SMYD2: variants seen among roughly 807,000 people sequenced by gnomAD.
The protein encoded by SMYD2 is N-lysine methyltransferase SMYD2.
Under a neutral mutation model 59.1 loss-of-function variants are expected in SMYD2, and 53 were observed. The ratio of observed to expected loss-of-function variants is 0.90; its 90% CI spans 0.72 to 1.13. The LOEUF is 1.13. Among genes scored for constraint, SMYD2 ranks in the 50% most tolerant of loss-of-function variants. The probability of loss-of-function intolerance (pLI) is 0.00; values close to 1 mark genes in which losing one functional copy is unlikely to be tolerated. For missense variants in SMYD2, 494 were observed against 544.7 expected (o/e 0.91, Z 0.93); for synonymous variants, 208 against 198.8 (o/e 1.05, Z -0.39).
chr1:214,327,609 T>G lies in SMYD2; in HGVS notation c.603-13T>G, dbSNP rs751857836. On this transcript the variant is annotated splice_polypyrimidine_tract_variant and intron_variant, in intron 6 of 11. Transcript: ENST00000366957. ...CTCATTTTAAAAACTGGGTTTTCTC[T>G]TCTGACTGACAGTGTTGCATTGATG... 6.2e-7 allele frequency: 1 copy of G among 1,612,746 alleles called. No individual in the cohort carries two copies. Among genetic ancestry groups the G allele is most frequent in the Non-Finnish European group, 8.5e-7 (1 of 1,178,768 alleles).
At chr1:214,319,154 GAGC>G (rs1420529294) in intron 5 of SMYD2, among the ~76,000 whole-genome samples, 171 bp downstream of exon 5, 1 of 152,114 alleles carries the variant, frequency 6.6e-6, no homozygotes, top group Non-Finnish European at 1.5e-5. Context: ...CAGTGACCTT[GAGC>G]AGATCAAGGT....
At chr1:214,300,028 T>C (rs775478871) in intron 1 of SMYD2, among the ~76,000 whole-genome samples, 2 of 152,202 alleles carry the variant, frequency 1.3e-5, no homozygotes, top group Non-Finnish European at 2.9e-5. Context: ...AACCTATGTA[T>C]TGGGCACTAT....
At chr1:214,285,502 G>A (rs897366007) in intron 1 of SMYD2, among the ~76,000 whole-genome samples, 3 of 152,154 alleles carry the variant, frequency 2.0e-5, no homozygotes, top group East Asian at 3.8e-4. Context: ...TAAAAAAATT[G>A]AATACATGCT....
chr1:214,319,121 C>G (rs1657130889), intron 5 of SMYD2, 138 bp downstream of exon 5: 2 of 1,143,970 alleles, frequency 1.7e-6, no homozygotes, highest in East Asian at 2.4e-5. Context: ...GCCAATTGGA[C>G]CGTGTGTTGC....
At chr1:214,305,161 A>G in intron 1 of SMYD2, 26 bp from the exon 2 acceptor site, 2 of 1,610,496 alleles carry the variant, frequency 1.2e-6, no homozygotes, top group South Asian at 1.1e-5. Flanking sequence ...GTCTGTCACC[A>G]CTACAGTGCC....
intron 1 of SMYD2, among the ~76,000 whole-genome samples, chr1:214,294,582 A>C (rs1656693429): frequency 6.6e-6 from 1 of 152,096 alleles, no homozygotes; most frequent in Non-Finnish European, 1.5e-5. Context: ...GAGGCAGGAG[A>C]ATCTCTTGAA....
At chr1:214,327,566 G>A in intron 6 of SMYD2, 56 bp from the exon 7 acceptor site, 2 of 1,433,118 alleles carry the variant, frequency 1.4e-6, no homozygotes, top group South Asian at 1.1e-5. Context: ...AGTGAAGGAA[G>A]CTAAACAGTC....
At chr1:214,281,901 A>G (rs1372341288) in intron 1 of SMYD2, among the ~76,000 whole-genome samples, 3 of 152,226 alleles carry the variant, frequency 2.0e-5, no homozygotes, top group Non-Finnish European at 2.9e-5. Flanking sequence ...TCTTCCAAGG[A>G]ATTTAATGAC....
intron 1 of SMYD2, among the ~76,000 whole-genome samples, chr1:214,292,470 C>T (rs1571919816): frequency 1.3e-5 from 2 of 152,290 alleles, no homozygotes; most frequent in Non-Finnish European, 1.5e-5. Flanking sequence ...ATACAAACTT[C>T]CTTTATCACA....
At chr1:214,311,957 C>A (rs1404881565) in intron 2 of SMYD2, among the ~76,000 whole-genome samples, 1 of 152,088 alleles carries the variant, frequency 6.6e-6, no homozygotes, top group Non-Finnish European at 1.5e-5. Flanking sequence ...TCTCAGGTAT[C>A]CCGAGGGTCA....
intron 11 of SMYD2, among the ~76,000 whole-genome samples, chr1:214,334,938 G>A (rs1344801455): frequency 1.3e-5 from 2 of 152,200 alleles, no homozygotes; most frequent in African/African-American, 4.8e-5. Flanking sequence ...AACTGGTGGG[G>A]AGCCAGAACC....
intron 6 of SMYD2, among the ~76,000 whole-genome samples, chr1:214,326,087 A>T (rs1452940034): frequency 2.6e-5 from 4 of 151,792 alleles, no homozygotes; most frequent in Non-Finnish European, 5.9e-5. Flanking sequence ...AAAATACAAA[A>T]ATTAGCTGGG....
At chr1:214,298,699 A>T (rs181376450) in intron 1 of SMYD2, among the ~76,000 whole-genome samples, 1 of 152,352 alleles carries the variant, frequency 6.6e-6, no homozygotes, top group East Asian at 1.9e-4. Context: ...ACAAGCAAAA[A>T]ACAAGTAACC....
intron 1 of SMYD2, among the ~76,000 whole-genome samples, chr1:214,281,760 C>T (rs903908911): frequency 5.3e-5 from 8 of 152,258 alleles, no homozygotes; most frequent in Non-Finnish European, 4.4e-5. Context: ...CAAGCCTGGG[C>T]ACTCACTGCC....
At chr1:214,331,415 C>T (rs375837273) in intron 9 of SMYD2, 12 of 245,088 alleles carry the variant, frequency 4.9e-5, no homozygotes, top group Admixed American at 2.9e-4. Flanking sequence ...CTCACTGGCA[C>T]ACTCTGAGCA....
At chr1:214,314,431 T>TTTTGACA (rs1657048598) in intron 2 of SMYD2, among the ~76,000 whole-genome samples, 1 of 152,186 alleles carries the variant, frequency 6.6e-6, no homozygotes, top group Non-Finnish European at 1.5e-5. Context: ...TTGCTCCCTC[T>TTTTGACA]GCAATTTGAC....
At position 214,281,398 on chromosome 1, in the gene SMYD2, G is replaced by C; in HGVS notation, c.144G>C (p.Arg48=). 6.8e-7 allele frequency: 1 copy of C among 1,463,648 alleles called. No homozygotes were observed. The highest frequency in any genetic ancestry group is 9.1e-7 in the Non-Finnish European group (1 of 1,102,884). 90.7% of individuals were successfully genotyped at this position (1,463,648 alleles called of 1,614,324 possible). A position where few individuals can be genotyped will look rare whatever the true frequency, so the allele number is the denominator to read the frequency against. ...CCTACGTGCTCACGGTCAACGAGCGGGGCAACCACTGCGAGTACTGCTTCA... is the reference window on the plus strand; with the variant it reads ...CCTACGTGCTCACGGTCAACGAGCGCGGCAACCACTGCGAGTACTGCTTCA... ...AYAYVLTVNE[R]GNHCEYCFTR... is the part of the protein sequence containing the mutation. Residue 48 remains arginine, a synonymous_variant, in exon 1 of 12, where the codon CGG becomes CGC. Transcript: ENST00000366957.
intron 1 of SMYD2, among the ~76,000 whole-genome samples, chr1:214,294,899 A>C (rs898302416): frequency 6.6e-6 from 1 of 152,180 alleles, no homozygotes; most frequent in African/African-American, 2.4e-5. Flanking sequence ...CAAGTAGTTA[A>C]ATTTATATTA....
chr1:214,311,891 A>G (rs558198135), intron 2 of SMYD2, among the ~76,000 whole-genome samples: 2 of 152,194 alleles, frequency 1.3e-5, no homozygotes, highest in African/African-American at 4.8e-5. Flanking sequence ...CAGAGTGGGC[A>G]TTTGTCTATA....
Sources: allele counts gnomAD v4.1 joint callset (sites outside exome capture counted in the v4.1 genomes callset), GRCh38; gene constraint gnomAD v4.1.1; transcripts MANE v1.5; gene names NCBI Gene and HGNC (gene_info 2026-07-23, HGNC 2026-07-21).